Variants in SGCZ observed in about 807,000 individuals in gnomAD.
The protein encoded by SGCZ is zeta-sarcoglycan.
Under a neutral mutation model 41.3 loss-of-function variants are expected in SGCZ, and 40 were observed. The ratio of observed to expected loss-of-function variants is 0.97; its 90% CI spans 0.75 to 1.26. The LOEUF (loss-of-function observed/expected upper bound fraction) is 1.26. Ranked by LOEUF, SGCZ falls within the 50% of genes most tolerant of loss-of-function variation. The pLI is 0.00. For synonymous variants in SGCZ, 206 were observed against 137.5 expected (o/e 1.50, Z -3.49); for missense variants, 552 against 369.8 (o/e 1.49, Z -4.04).
chr8:15,184,122 C>T (rs565532544), intron 1 of SGCZ, among the ~76,000 whole-genome samples: 27 of 152,288 alleles, frequency 1.8e-4, no homozygotes, highest in African/African-American at 6.3e-4. Flanking sequence ...ACTTCTGCAA[C>T]AATTATGTTT....
At chr8:14,893,970 C>A (rs1805109757) in intron 1 of SGCZ, among the ~76,000 whole-genome samples, 1 of 152,102 alleles carries the variant, frequency 6.6e-6, no homozygotes, top group Non-Finnish European at 1.5e-5. Flanking sequence ...GTTTGTAACA[C>A]TTTTTAACCC....
chr8:14,280,670 A>G (rs1166794672), intron 3 of SGCZ, among the ~76,000 whole-genome samples: 1 of 151,896 alleles, frequency 6.6e-6, no homozygotes. Flanking sequence ...TACTATTACT[A>G]TTGCTTATCT....
chr8:14,546,668 T>A (rs1246169813), intron 2 of SGCZ, among the ~76,000 whole-genome samples: 2 of 152,200 alleles, frequency 1.3e-5, no homozygotes, highest in Admixed American at 1.3e-4. Flanking sequence ...TATTAAGATA[T>A]CTTTTGCCCA....
At chr8:15,055,094 G>C (rs1472429517) in intron 1 of SGCZ, among the ~76,000 whole-genome samples, 1 of 152,062 alleles carries the variant, frequency 6.6e-6, no homozygotes, top group East Asian at 1.9e-4. Flanking sequence ...TTGTGGTAGG[G>C]TACACAGGGC....
At chr8:15,218,633 T>C (rs1007773208) in intron 1 of SGCZ, among the ~76,000 whole-genome samples, 9 of 152,236 alleles carry the variant, frequency 5.9e-5, no homozygotes, top group Non-Finnish European at 8.8e-5. Context: ...TATCAGCTTT[T>C]CTTCCTAGTG....
chr8:14,414,148 A>G (rs1799433171), intron 2 of SGCZ, among the ~76,000 whole-genome samples: 1 of 152,018 alleles, frequency 6.6e-6, no homozygotes, highest in Non-Finnish European at 1.5e-5. Flanking sequence ...AGAAAAACAA[A>G]AGGCAAAAAA....
intron 1 of SGCZ, among the ~76,000 whole-genome samples, chr8:14,652,346 A>AAGGG (rs201135943): frequency 7.9e-5 from 4 of 50,734 alleles, no homozygotes; most frequent in Non-Finnish European, 1.0e-4. Context: ...AAAAAAAAAA[A>AAGGG]GGGGGGGGTG....
chr8:14,810,705 C>G (rs571363588), intron 1 of SGCZ, among the ~76,000 whole-genome samples: 1 of 151,996 alleles, frequency 6.6e-6, no homozygotes, highest in Non-Finnish European at 1.5e-5. Context: ...GGTTCAGTGA[C>G]TTCCTGGCAG....
intron 3 of SGCZ, among the ~76,000 whole-genome samples, chr8:14,264,713 G>C (rs984365757): frequency 6.6e-6 from 1 of 152,196 alleles, no homozygotes; most frequent in African/African-American, 2.4e-5. Context: ...TGTAATCCCA[G>C]CACTTTGGGA....
At position 15,215,170 on chromosome 8, in the gene SGCZ, T is replaced by C. The variant is rs115219842; in HGVS notation, c.39+22415A>G. Among the ~76,000 whole-genome samples the C allele has an allele frequency of 7.5e-3, 1,144 of 152,304 alleles. 13 individuals carry two copies. Among genetic ancestry groups the C allele is most frequent in the African/African-American group, 0.025 (1,020 of 41,570 alleles). ...CCTCTTAGTTAACTGAAGTAAACTG[T>C]GGCATCCTGTGGCATTAAACTAGAT... On this transcript the variant is annotated intron_variant, in intron 1 of 7. Transcript: ENST00000382080.
At chr8:14,980,757 C>T (rs1801634963) in intron 1 of SGCZ, among the ~76,000 whole-genome samples, 1 of 878 alleles carries the variant, frequency 1.1e-3, no homozygotes, top group African/African-American at 1.4e-3. Context: ...TGGGTCCCTC[C>T]CCACAACATG....
At chr8:14,322,554 G>A (rs1223408235) in intron 3 of SGCZ, among the ~76,000 whole-genome samples, 2 of 152,060 alleles carry the variant, frequency 1.3e-5, no homozygotes, top group Non-Finnish European at 2.9e-5. Flanking sequence ...TGTCCTGGCT[G>A]AGAAGATAAA....
chr8:14,375,742 C>T (rs894890795), intron 2 of SGCZ, among the ~76,000 whole-genome samples: 2 of 152,120 alleles, frequency 1.3e-5, no homozygotes, highest in African/African-American at 4.8e-5. Flanking sequence ...AAGTTTATAG[C>T]CTTCAGTATG....
intron 2 of SGCZ, among the ~76,000 whole-genome samples, chr8:14,523,359 A>T (rs1027356850): frequency 6.6e-6 from 1 of 151,988 alleles, no homozygotes; most frequent in Admixed American, 6.6e-5. Flanking sequence ...ATTAGAGAAT[A>T]TTTCTTCATT....
chr8:15,138,014 A>T (rs2116989367), intron 1 of SGCZ, among the ~76,000 whole-genome samples: 1 of 152,252 alleles, frequency 6.6e-6, no homozygotes. Context: ...GGGGGACTGT[A>T]CCCTACAAAG....
chr8:14,889,074 G>T (rs567771877), intron 1 of SGCZ, among the ~76,000 whole-genome samples: 58 of 152,082 alleles, frequency 3.8e-4, no homozygotes, highest in African/African-American at 1.3e-3. Context: ...CCTTAGAATG[G>T]TTATAATTGG....
At position 14,577,648 on chromosome 8, in the gene SGCZ, A is replaced by G. The variant is rs181075043; in HGVS notation, c.40-22722T>C. On this transcript the variant is annotated intron_variant, in intron 1 of 7. Coordinates refer to ENST00000382080, the MANE Select transcript of SGCZ (RefSeq NM_139167.4). ...GGTGATCTGCCCGCCTCAGCCTCCC[A>G]AAGTGCTGGGATTACAGCCGTGAGC... is the stretch of plus-strand genomic sequence containing the variant. Among the ~76,000 whole-genome samples the G allele has an allele frequency of 9.6e-3, 1,461 of 152,242 alleles. 17 individuals carry two copies. The highest frequency in any genetic ancestry group is 0.034 in the African/African-American group (1,397 of 41,550).
intron 3 of SGCZ, among the ~76,000 whole-genome samples, chr8:14,254,940 A>T (rs1460834962): frequency 1.3e-5 from 2 of 152,084 alleles, no homozygotes; most frequent in Admixed American, 6.5e-5. Context: ...TTCCTGATCC[A>T]CAAAGTGAAG....
At chr8:14,375,111 TAGACAGAC>T (rs77420529) in intron 2 of SGCZ, among the ~76,000 whole-genome samples, 133 of 150,256 alleles carry the variant, frequency 8.9e-4, no homozygotes, top group East Asian at 4.3e-3. Flanking sequence ...GATAGATAGA[TAGACAGAC>T]AGACAGACAG....
Sources: gnomAD v4.1 joint callset for allele counts (sites outside exome capture counted in the v4.1 genomes callset) on GRCh38, gnomAD v4.1.1 for gene constraint, MANE v1.5 for transcripts, NCBI Gene and HGNC (gene_info 2026-07-23, HGNC 2026-07-21) for gene names.